TOM1: variants seen among roughly 807,000 people sequenced by gnomAD.
TOM1 encodes target of Myb protein 1.
In TOM1, 38 loss-of-function variants were observed where a neutral mutation model predicts 61.3. That is an observed-to-expected ratio of 0.62 (90% CI 0.48 to 0.81). The LOEUF (loss-of-function observed/expected upper bound fraction) is 0.81, where lower values mean the gene tolerates loss of function less well. Ranked by LOEUF, TOM1 falls within the 40% of genes least tolerant of loss-of-function variation. The pLI is 0.00. For synonymous variants in TOM1, 270 were observed against 268.8 expected (o/e 1.00, Z -0.04); for missense variants, 591 against 659.6 (o/e 0.90, Z 1.14).
At chr22:35,314,450 TG>T (rs1927107799) in intron 1 of TOM1, among the ~76,000 whole-genome samples, 1 of 149,588 alleles carries the variant, frequency 6.7e-6, no homozygotes, top group Admixed American at 6.6e-5. Flanking sequence ...ATGCACGGGG[TG>T]GGGGCGGGGG....
chr22:35,335,183 T>C (rs1281791855), intron 11 of TOM1, among the ~76,000 whole-genome samples: 2 of 152,180 alleles, frequency 1.3e-5, no homozygotes, highest in Non-Finnish European at 2.9e-5. Flanking sequence ...TTGCCCACTG[T>C]GACCCCCAGG....
intron 1 of TOM1, among the ~76,000 whole-genome samples, chr22:35,301,474 C>T (rs1465500058): frequency 6.6e-6 from 1 of 152,156 alleles, no homozygotes; most frequent in Non-Finnish European, 1.5e-5. Context: ...CACACTTCTC[C>T]GGAGGATGGT....
chr22:35,300,191 T>C (rs186240995), intron 1 of TOM1, among the ~76,000 whole-genome samples: 10 of 152,364 alleles, frequency 6.6e-5, no homozygotes, highest in Admixed American at 4.6e-4. Context: ...TAGATGTATA[T>C]GACAGCCAGT....
At chr22:35,322,938 C>A in intron 3 of TOM1, 90 bp from the exon 4 acceptor site, 1 of 1,503,252 alleles carries the variant, frequency 6.7e-7, no homozygotes, top group East Asian at 2.3e-5. Flanking sequence ...GGCCTCCTCT[C>A]TGGGACACAG....
At chr22:35,314,906 CCTTACA>C (rs1927154092) in intron 1 of TOM1, among the ~76,000 whole-genome samples, 2 of 152,226 alleles carry the variant, frequency 1.3e-5, no homozygotes, top group Admixed American at 1.3e-4. Context: ...ATAATGCACA[CCTTACA>C]GTGTGTTAAA....
At chr22:35,303,025 T>C (rs1160739077) in intron 1 of TOM1, among the ~76,000 whole-genome samples, 1 of 152,100 alleles carries the variant, frequency 6.6e-6, no homozygotes, top group Non-Finnish European at 1.5e-5. Flanking sequence ...AGTAGAGCTG[T>C]AGAGCCATAT....
chr22:35,317,171 C>G (rs1444825666), intron 1 of TOM1, among the ~76,000 whole-genome samples: 2 of 152,148 alleles, frequency 1.3e-5, no homozygotes, highest in African/African-American at 4.8e-5. Context: ...GTTACCAACT[C>G]AAAAGATAAT....
intron 12 of TOM1, among the ~76,000 whole-genome samples, chr22:35,339,423 G>A (rs2145713131): frequency 6.6e-6 from 1 of 152,274 alleles, no homozygotes; most frequent in African/African-American, 2.4e-5. Context: ...CAAATGACTG[G>A]CCTTTCTGAC....
intron 1 of TOM1, among the ~76,000 whole-genome samples, chr22:35,314,661 G>C (rs959005854): frequency 2.6e-5 from 4 of 152,136 alleles, no homozygotes; most frequent in African/African-American, 9.7e-5. Flanking sequence ...CTGATGGTGG[G>C]GACCACTGAG....
chr22:35,318,711 C>T (rs759285690), intron 2 of TOM1, among the ~76,000 whole-genome samples: 3 of 152,192 alleles, frequency 2.0e-5, no homozygotes, highest in Non-Finnish European at 4.4e-5. Flanking sequence ...AAAGGGGATG[C>T]GAGGGTCCCT....
chr22:35,336,632 G>A (rs1211718270), intron 11 of TOM1: 1 of 152,306 alleles, frequency 6.6e-6, no homozygotes, highest in African/African-American at 2.4e-5. Flanking sequence ...ATCTTCGTCA[G>A]TGCTGCTGTA....
At chr22:35,345,704 A>G (rs773159993) in intron 12 of TOM1, 21 bp from the exon 13 acceptor site, 70 of 1,613,322 alleles carry the variant, frequency 4.3e-5, no homozygotes, top group Non-Finnish European at 5.7e-5. Context: ...GCACTGCCTT[A>G]CCCTCTGCCC....
chr22:35,346,771 C>G (rs1353878356), intron 13 of TOM1, among the ~76,000 whole-genome samples, 159 bp from the exon 14 acceptor site: 1 of 152,156 alleles, frequency 6.6e-6, no homozygotes, highest in Non-Finnish European at 1.5e-5. Context: ...GGGAGGAGCC[C>G]AGGTCCAGGT....
At chr22:35,337,213 G>A (rs1200416255) in intron 11 of TOM1, among the ~76,000 whole-genome samples, 5 of 152,194 alleles carry the variant, frequency 3.3e-5, no homozygotes, top group Non-Finnish European at 7.3e-5. Context: ...TGGGATTTCA[G>A]CCACTGCACC....
intron 1 of TOM1, among the ~76,000 whole-genome samples, chr22:35,307,310 G>A (rs1418441956): frequency 1.3e-5 from 2 of 152,136 alleles, no homozygotes; most frequent in Admixed American, 6.5e-5. Context: ...ATGAAATCAT[G>A]GCTTTGATGT....
At chr22:35,299,340 A>ATT (rs1925505499), upstream of TOM1, 1 of 152,586 alleles carries the variant, frequency 6.6e-6, no homozygotes, top group South Asian at 1.9e-4. Context: ...TCTCAGTCTC[A>ATT]ACAGATGACA....
At chr22:35,327,145 AG>A in intron 6 of TOM1, 125 bp from the exon 7 acceptor site, 2 of 851,688 alleles carry the variant, frequency 2.3e-6, no homozygotes, top group Non-Finnish European at 1.9e-6. Flanking sequence ...GGCTGCCTAG[AG>A]AGGCTGCTGG....
rs776843610 is a variant in TOM1 at position 35,332,934 on chromosome 22, G to A, written c.900-47G>A. The stretch of plus-strand genomic sequence containing the variant: ...AAGCTCTGCCTGGCCGTGTGTGGGG[G>A]CCTGTCTCAGTCTGTCTCCATAACT... On this transcript the variant is annotated intron_variant, in intron 8 of 14. Transcript: ENST00000449058. 6.9e-6 allele frequency: 11 copies of A among 1,603,488 alleles called. No homozygotes were observed. In the Admixed American group the frequency reaches 1.8e-4, roughly 27 times the overall value.
intron 11 of TOM1, chr22:35,335,878 A>T (rs1233079446): frequency 6.5e-6 from 1 of 154,040 alleles, no homozygotes. Flanking sequence ...GGTGATAGGA[A>T]GGCCATTTCA....
Sources: allele counts gnomAD v4.1 joint callset (sites outside exome capture counted in the v4.1 genomes callset), GRCh38; gene constraint gnomAD v4.1.1; transcripts MANE v1.5; gene names NCBI Gene and HGNC (gene_info 2026-07-23, HGNC 2026-07-21).